Variants in PSMD14 observed in about 807,000 individuals in gnomAD.
The protein encoded by PSMD14 is ubiquitin C-terminal hydrolase PSMD14.
In PSMD14, 7 loss-of-function variants were observed where a neutral mutation model predicts 41.2. The ratio of observed to expected loss-of-function variants is 0.17; its 90% CI spans 0.10 to 0.32. The LOEUF (loss-of-function observed/expected upper bound fraction) is 0.32. Among genes scored for constraint, PSMD14 ranks in the 10% least tolerant of loss-of-function variants. The pLI, the probability that PSMD14 is intolerant of heterozygous loss-of-function variation, is 1.00. For synonymous variants in PSMD14, 114 were observed against 122.3 expected, an observed-to-expected ratio of 0.93 and a Z score of 0.45; for missense variants, 139 against 375.6, an observed-to-expected ratio of 0.37 and a Z score of 5.21.
At chr2:161,389,606 TAAG>T (rs1683679636) in intron 8 of PSMD14, among the ~76,000 whole-genome samples, 1 of 152,090 alleles carries the variant, frequency 6.6e-6, no homozygotes, top group Non-Finnish European at 1.5e-5. Flanking sequence ...ATTGGTAAAA[TAAG>T]AATCTATTGT....
chr2:161,393,681 A>G (rs1358613483), intron 9 of PSMD14, among the ~76,000 whole-genome samples: 1 of 152,162 alleles, frequency 6.6e-6, no homozygotes, highest in Non-Finnish European at 1.5e-5. Context: ...TGACGAAACA[A>G]CAGTCATTTT....
chr2:161,331,305 C>T (rs569512517), intron 3 of PSMD14, among the ~76,000 whole-genome samples: 77 of 150,796 alleles, frequency 5.1e-4, no homozygotes, highest in Admixed American at 2.2e-3. Flanking sequence ...CTCTGTTGCT[C>T]GGGCTAGAGT....
intron 10 of PSMD14, among the ~76,000 whole-genome samples, chr2:161,397,109 A>T (rs1328667170): frequency 1.3e-5 from 2 of 152,070 alleles, no homozygotes; most frequent in African/African-American, 2.4e-5. Flanking sequence ...GGATTACAGG[A>T]ATGAGCCACC....
chr2:161,351,946 T>C (rs1180851407), intron 3 of PSMD14, among the ~76,000 whole-genome samples: 1 of 152,192 alleles, frequency 6.6e-6, no homozygotes, highest in East Asian at 1.9e-4. Context: ...ACCAGAAATA[T>C]TTCAGGGAGA....
At position 161,396,059 on chromosome 2, in the gene PSMD14, A is replaced by C. The variant is rs181924605; in HGVS notation, c.771+856A>C. ...CATTAGAGAAACACTACCATAGAGAAGACCATGGGAAGCCCTGTAGGAGCT... is the reference window on the plus strand; with the variant it reads ...CATTAGAGAAACACTACCATAGAGACGACCATGGGAAGCCCTGTAGGAGCT... On this transcript the variant is annotated intron_variant, in intron 10 of 11. Transcript: ENST00000409682. Among the ~76,000 whole-genome samples, 890 of 152,342 alleles carry C rather than the reference A, an allele frequency of 5.8e-3. 10 individuals are homozygous for C. Among genetic ancestry groups the C allele is most frequent in the African/African-American group, 0.021 (853 of 41,582 alleles).
chr2:161,375,881 TTAAAA>T (rs758738088), intron 7 of PSMD14, among the ~76,000 whole-genome samples: 5 of 151,680 alleles, frequency 3.3e-5, no homozygotes, highest in Non-Finnish European at 7.4e-5. Flanking sequence ...TTTAAAAAAA[TTAAAA>T]TAAAAAGTTA....
rs1021617664 is a variant in PSMD14 at position 161,370,100 on chromosome 2, A to G, written c.241-7A>G. 4 of 1,555,432 alleles carry G rather than the reference A, an allele frequency of 2.6e-6. No individual in the cohort carries two copies. The highest frequency in any genetic ancestry group is 1.2e-5 in the South Asian group (1 of 81,248). On this transcript the variant is annotated splice_polypyrimidine_tract_variant and splice_region_variant and intron_variant, in intron 5 of 11. Transcript: ENST00000409682. ...AAATTAATAATTTTTCTTTCTTTCT[A>G]AATCAGGGTGTCAGTGTGGAGGCAG...
chr2:161,358,607 T>C (rs538561160), intron 3 of PSMD14, among the ~76,000 whole-genome samples: 1 of 152,302 alleles, frequency 6.6e-6, no homozygotes, highest in Non-Finnish European at 1.5e-5. Context: ...TTCCCCTCAC[T>C]GAAACCCTTG....
intron 1 of PSMD14, among the ~76,000 whole-genome samples, chr2:161,315,820 T>C (rs946297012): frequency 6.7e-6 from 1 of 149,822 alleles, no homozygotes; most frequent in Non-Finnish European, 1.5e-5. Flanking sequence ...TTTAAAAATA[T>C]AAGTAAATTT....
chr2:161,309,925 G>A (rs1574109861), intron 1 of PSMD14, among the ~76,000 whole-genome samples: 1 of 152,116 alleles, frequency 6.6e-6, no homozygotes, highest in Non-Finnish European at 1.5e-5. Context: ...GGAGGCTGAG[G>A]TGGGCAGATC....
At chr2:161,351,815 T>G (rs548130998) in intron 3 of PSMD14, among the ~76,000 whole-genome samples, 1 of 152,278 alleles carries the variant, frequency 6.6e-6, no homozygotes, top group South Asian at 2.1e-4. Context: ...CTTAAAAAGC[T>G]TTGATTGAAA....
chr2:161,337,994 A>G (rs1255465411), intron 3 of PSMD14, among the ~76,000 whole-genome samples: 1 of 152,234 alleles, frequency 6.6e-6, no homozygotes, highest in Non-Finnish European at 1.5e-5. Flanking sequence ...AAATCTAAAA[A>G]CATTTTGTAA....
chr2:161,330,243 T>C (rs900546595), intron 3 of PSMD14, among the ~76,000 whole-genome samples: 5 of 152,184 alleles, frequency 3.3e-5, no homozygotes, highest in African/African-American at 1.2e-4. Flanking sequence ...AAGTTTTAAA[T>C]ATAAAGTCAA....
chr2:161,376,493 T>A (rs1271546550), intron 7 of PSMD14, among the ~76,000 whole-genome samples: 1 of 151,884 alleles, frequency 6.6e-6, no homozygotes, highest in East Asian at 1.9e-4. Context: ...GCCCATAAAT[T>A]AATCTCTAAT....
At chr2:161,334,380 C>A (rs1398984955) in intron 3 of PSMD14, among the ~76,000 whole-genome samples, 1 of 152,136 alleles carries the variant, frequency 6.6e-6, no homozygotes, top group East Asian at 1.9e-4. Flanking sequence ...GACTGCCTGG[C>A]CACAGTGTCT....
chr2:161,317,263 G>A (rs1689157501), intron 2 of PSMD14, among the ~76,000 whole-genome samples: 1 of 152,092 alleles, frequency 6.6e-6, no homozygotes, highest in Non-Finnish European at 1.5e-5. Context: ...TTAAGATCGT[G>A]AAGTGGAAAT....
At position 161,391,116 on chromosome 2, in the gene PSMD14, G is replaced by A; in HGVS notation, c.583G>A (p.Gly195Arg). 1 of 1,521,454 alleles carries A rather than the reference G, an allele frequency of 6.6e-7. No homozygotes were observed. The highest frequency in any genetic ancestry group is 8.8e-7 in the Non-Finnish European group (1 of 1,132,788). The allele number at this position is 1,521,454 out of a possible 1,614,324, so 94.2% of individuals were successfully genotyped here. A position where few individuals can be genotyped will look rare whatever the true frequency, so the allele number is the denominator to read the frequency against. ...TTTATCTATATAGGCATTAATTCAT[G>A]GACTAAACAGACATTATTACTCCAT... is the stretch of plus-strand genomic sequence containing the variant. ...NKPSIQALIHGLNRHYYSITI... is the reference protein window; with the variant it reads ...NKPSIQALIHRLNRHYYSITI... The change falls in exon 9 of 12, where the codon GGA becomes AGA. Residue 195 changes from glycine to arginine, a missense_variant. Around this residue, in one of 4 missense-constraint regions of PSMD14, gnomAD observed 80 missense variants for 138.1 expected, o/e 0.58. Coordinates refer to ENST00000409682, the MANE Select transcript of PSMD14 (RefSeq NM_005805.6).
At chr2:161,401,308 G>A (rs1683875114) in intron 10 of PSMD14, among the ~76,000 whole-genome samples, 1 of 152,232 alleles carries the variant, frequency 6.6e-6, no homozygotes, top group Admixed American at 6.5e-5. Flanking sequence ...GCTATTAATA[G>A]TTAAGTTTGA....
At chr2:161,340,733 C>T (rs1331927724) in intron 3 of PSMD14, 7 of 1,605,278 alleles carry the variant, frequency 4.4e-6, no homozygotes, top group Non-Finnish European at 6.0e-6. Context: ...CCAGACTCCT[C>T]TCTGGGGTTT....
Sources: gnomAD v4.1 joint callset for allele counts (sites outside exome capture counted in the v4.1 genomes callset) on GRCh38, gnomAD v4.1.1 for gene constraint, gnomAD v4.1.1 regional missense constraint, MANE v1.5 for transcripts, NCBI Gene and HGNC (gene_info 2026-07-23, HGNC 2026-07-21) for gene names.